Variants in ST6GALNAC3 observed in about 807,000 individuals in gnomAD.
ST6GALNAC3 encodes alpha-N-acetylgalactosaminide alpha-2,6-sialyltransferase 3.
Under a neutral mutation model 32.7 loss-of-function variants are expected in ST6GALNAC3, and 25 were observed. The observed-to-expected ratio is 0.76, with a 90% confidence interval of 0.56 to 1.07. The LOEUF is 1.07. ST6GALNAC3 is among the 50% of genes least tolerant of loss of function. The pLI is 0.00. For synonymous variants in ST6GALNAC3, 129 were observed against 133.1 expected, an observed-to-expected ratio of 0.97 and a Z score of 0.21; for missense variants, 355 against 382.4, an observed-to-expected ratio of 0.93 and a Z score of 0.60.
chr1:76,106,216 A>G (rs1422068209), intron 1 of ST6GALNAC3, among the ~76,000 whole-genome samples: 3 of 152,174 alleles, frequency 2.0e-5, no homozygotes, highest in African/African-American at 7.2e-5. Context: ...ATCCAATGGG[A>G]AATTTTTTCT....
At chr1:76,519,069 A>G (rs1472572287) in intron 3 of ST6GALNAC3, among the ~76,000 whole-genome samples, 2 of 152,172 alleles carry the variant, frequency 1.3e-5, no homozygotes, top group African/African-American at 4.8e-5. Flanking sequence ...TGTATCACTT[A>G]GCTTTATTAT....
intron 2 of ST6GALNAC3, among the ~76,000 whole-genome samples, chr1:76,387,887 C>T (rs185133214): frequency 6.6e-6 from 1 of 150,732 alleles, no homozygotes; most frequent in East Asian, 1.9e-4. Context: ...CCTTCTATGA[C>T]TGAAAAAAAA....
chr1:76,076,761 A>C (rs1421872766), intron 1 of ST6GALNAC3, among the ~76,000 whole-genome samples: 1 of 152,230 alleles, frequency 6.6e-6, no homozygotes, highest in Non-Finnish European at 1.5e-5. Flanking sequence ...TTTAATCTTT[A>C]CATAAAACCC....
At chr1:76,191,371 A>G (rs1237390329) in intron 1 of ST6GALNAC3, among the ~76,000 whole-genome samples, 1 of 151,886 alleles carries the variant, frequency 6.6e-6, no homozygotes, top group Non-Finnish European at 1.5e-5. Flanking sequence ...GGAATTGGGG[A>G]GGTATGGGAG....
intron 2 of ST6GALNAC3, among the ~76,000 whole-genome samples, chr1:76,351,930 G>T (rs1038187717): frequency 6.6e-6 from 1 of 152,096 alleles, no homozygotes; most frequent in Admixed American, 6.6e-5. Context: ...TGTTGAGGAG[G>T]TTGGGGTGGG....
At chr1:76,579,589 T>G (rs940126623) in intron 3 of ST6GALNAC3, among the ~76,000 whole-genome samples, 2 of 152,058 alleles carry the variant, frequency 1.3e-5, no homozygotes, top group African/African-American at 4.8e-5. Flanking sequence ...TCTTGAGACT[T>G]TTTAAAACAT....
chr1:76,238,914 C>G (rs1471409767), intron 1 of ST6GALNAC3, among the ~76,000 whole-genome samples: 1 of 149,772 alleles, frequency 6.7e-6, no homozygotes, highest in Non-Finnish European at 1.5e-5. Context: ...AGATAAGCAG[C>G]CTTACTTTTC....
rs1159864958 is a variant in ST6GALNAC3 at position 76,605,861 on chromosome 1, TAAAAAAAA to T, written c.624-21570_624-21563del. ...TCCTGGGTAATAGAGGGAGACTCCA[TAAAAAAAA>T]AAAAAAAAAAAAAAAAAAAAGGATG... On this transcript the variant is annotated intron_variant, in intron 3 of 4. Transcript: ENST00000328299. 7.3e-4 allele frequency among the ~76,000 whole-genome samples: 43 copies of T among 58,904 alleles called. 1 individual carries two copies. The South Asian group carries it at 0.021, about 29-fold the overall frequency. The allele number at this position is 58,904 out of a possible 152,430, so 38.6% of individuals were successfully genotyped here.
At chr1:76,523,577 A>G (rs895808066) in intron 3 of ST6GALNAC3, among the ~76,000 whole-genome samples, 7 of 152,292 alleles carry the variant, frequency 4.6e-5, no homozygotes, top group African/African-American at 1.7e-4. Context: ...ATTAAGATTC[A>G]GTCTATCTTT....
intron 1 of ST6GALNAC3, among the ~76,000 whole-genome samples, chr1:76,113,991 ATTTTTTTT>A (rs754290749): frequency 3.2e-5 from 4 of 125,160 alleles, no homozygotes; most frequent in Non-Finnish European, 6.6e-5. Context: ...CGCCCGGCTA[ATTTTTTTT>A]TTTTTTTTTT....
intron 2 of ST6GALNAC3, chr1:76,353,872 T>C (rs1175587590): frequency 6.5e-6 from 1 of 154,198 alleles, no homozygotes; most frequent in Non-Finnish European, 1.4e-5. Context: ...CCCTTTACCT[T>C]CAGAACCCCA....
chr1:76,125,590 C>A (rs982720910), intron 1 of ST6GALNAC3, among the ~76,000 whole-genome samples: 3 of 152,184 alleles, frequency 2.0e-5, no homozygotes, highest in African/African-American at 7.2e-5. Context: ...ACAAAGCATC[C>A]TTTGTCATCC....
chr1:76,455,508 A>C (rs1326268053), intron 3 of ST6GALNAC3, among the ~76,000 whole-genome samples: 1 of 152,170 alleles, frequency 6.6e-6, no homozygotes, highest in African/African-American at 2.4e-5. Flanking sequence ...AAAACACCTC[A>C]TACTCTTGCT....
At chr1:76,139,855 A>G (rs1228283389) in intron 1 of ST6GALNAC3, among the ~76,000 whole-genome samples, 4 of 152,162 alleles carry the variant, frequency 2.6e-5, no homozygotes, top group Admixed American at 6.5e-5. Flanking sequence ...AATTCTGTGC[A>G]TGTCTCTTTT....
intron 3 of ST6GALNAC3, among the ~76,000 whole-genome samples, chr1:76,519,213 A>C (rs1251128187): frequency 6.6e-6 from 1 of 152,034 alleles, no homozygotes; most frequent in Admixed American, 6.6e-5. Context: ...TTTCTTCAAA[A>C]GACTCCTATT....
chr1:76,453,870 G>T (rs1304709821), intron 3 of ST6GALNAC3, among the ~76,000 whole-genome samples: 1 of 152,072 alleles, frequency 6.6e-6, no homozygotes, highest in Admixed American at 6.6e-5. Flanking sequence ...AGTGCTGTCA[G>T]TGGAGTATTG....
intron 3 of ST6GALNAC3, among the ~76,000 whole-genome samples, chr1:76,465,272 G>A (rs1284543741): frequency 6.6e-6 from 1 of 152,146 alleles, no homozygotes; most frequent in Non-Finnish European, 1.5e-5. Flanking sequence ...AGAACAAAAT[G>A]CTTACCCATT....
intron 3 of ST6GALNAC3, among the ~76,000 whole-genome samples, chr1:76,599,373 T>C (rs759973131): frequency 8.5e-5 from 13 of 152,174 alleles, no homozygotes; most frequent in Non-Finnish European, 1.9e-4. Context: ...GGTGGTTTTC[T>C]GCACCCATCC....
chr1:76,314,594 G>A (rs1381902432), intron 2 of ST6GALNAC3, among the ~76,000 whole-genome samples: 1 of 152,148 alleles, frequency 6.6e-6, no homozygotes, highest in Non-Finnish European at 1.5e-5. Flanking sequence ...GAGGTATATT[G>A]ACAACTAGAA....
Sources: gnomAD v4.1 joint callset for allele counts (sites outside exome capture counted in the v4.1 genomes callset) on GRCh38, gnomAD v4.1.1 for gene constraint, MANE v1.5 for transcripts, NCBI Gene and HGNC (gene_info 2026-07-23, HGNC 2026-07-21) for gene names.